Variants in OR52E5 observed in about 807,000 individuals in gnomAD.
OR52E5 encodes the protein olfactory receptor family 52 subfamily E member 5, also known as olfactory receptor 52E5.
chr11:5,898,706 C>T (rs533208340), intron 2 of OR52E5, among the ~76,000 whole-genome samples: 1 of 152,212 alleles, frequency 6.6e-6, no homozygotes, highest in South Asian at 2.1e-4. Flanking sequence ...TATCCTTACC[C>T]AGTTGATTGT....
intron 2 of OR52E5, among the ~76,000 whole-genome samples, chr11:5,899,939 G>T (rs962381186): frequency 3.9e-5 from 6 of 152,080 alleles, no homozygotes; most frequent in African/African-American, 1.4e-4. Flanking sequence ...CCAATCTGAG[G>T]CAAGTATCTG....
intron 2 of OR52E5, among the ~76,000 whole-genome samples, chr11:5,897,159 G>C (rs1159492599): frequency 6.6e-6 from 1 of 152,152 alleles, no homozygotes; most frequent in African/African-American, 2.4e-5. Flanking sequence ...CATTCAAGGG[G>C]ATACACGTGC....
At chr11:5,900,028 T>C (rs1041990776) in intron 2 of OR52E5, among the ~76,000 whole-genome samples, 1 of 152,124 alleles carries the variant, frequency 6.6e-6, no homozygotes, top group Non-Finnish European at 1.5e-5. Flanking sequence ...TGCCCATTTA[T>C]ATAATGCGAA....
intron 2 of OR52E5, among the ~76,000 whole-genome samples, chr11:5,900,321 G>C (rs1404677240): frequency 1.3e-5 from 2 of 151,942 alleles, no homozygotes; most frequent in Non-Finnish European, 2.9e-5. Flanking sequence ...TAATTTGCAA[G>C]AATGTATCAT....
At position 5,900,827 on chromosome 11, in the gene OR52E5, G is replaced by A. The variant is rs901308937; in HGVS notation, c.51G>A (p.Val17=). The change falls in exon 3 of 3, where the codon GTG becomes GTA. Residue 17 remains valine (V), a synonymous_variant. Transcript: ENST00000610445. ...TQFHPSTFLV[V]GVPGLEDVHV... is the part of the protein sequence containing the mutation. The stretch of plus-strand genomic sequence containing the variant: ...TTCACCCTTCCACCTTCCTCGTAGT[G>A]GGGGTCCCAGGGCTGGAAGATGTGC... 5 of 401,216 alleles carry A rather than the reference G, an allele frequency of 1.2e-5. No individual in the cohort carries two copies. Among genetic ancestry groups the A allele is most frequent in the Non-Finnish European group, 1.8e-5 (4 of 226,294 alleles). The allele number at this position is 401,216 out of a possible 1,614,324, so 24.9% of individuals were successfully genotyped here.
Position 5,894,094 on chromosome 11 carries a change from A to G in OR52E5, c.-228+824A>G, listed in dbSNP as rs187645642. ...TAGGGAAGATTATTATTTGCACTCA[A>G]CTTTCAATAGCCATTTGTGGATCCT... On this transcript the variant is annotated intron_variant, in intron 1 of 2. Coordinates refer to ENST00000610445, the MANE Select transcript of OR52E5 (RefSeq NM_001005166.5). 2.2e-4 allele frequency among the ~76,000 whole-genome samples: 34 copies of G among 152,288 alleles called. No homozygotes were observed. In the East Asian group the frequency reaches 5.4e-3, roughly 24 times the overall value.
chr11:5,896,981 T>G (rs1217476017), intron 2 of OR52E5, among the ~76,000 whole-genome samples: 4 of 152,222 alleles, frequency 2.6e-5, no homozygotes, highest in Non-Finnish European at 5.9e-5. Context: ...AACTTAGTTA[T>G]TATTCCTTTT....
chr11:5,899,557 T>C (rs940934942), intron 2 of OR52E5, among the ~76,000 whole-genome samples: 8 of 152,192 alleles, frequency 5.3e-5, no homozygotes, highest in African/African-American at 1.9e-4. Context: ...TTAGAAATCA[T>C]TGCACTCAAA....
intron 1 of OR52E5, among the ~76,000 whole-genome samples, 164 bp from the exon 2 acceptor site, chr11:5,895,464 TTAAA>T (rs1212351638): frequency 9.2e-5 from 14 of 152,214 alleles, no homozygotes; most frequent in Non-Finnish European, 4.4e-5. Context: ...CAGTGACAGA[TTAAA>T]TAATTTAGCT....
At chr11:5,898,698 T>G (rs150174820) in intron 2 of OR52E5, among the ~76,000 whole-genome samples, 145 of 152,296 alleles carry the variant, frequency 9.5e-4, no homozygotes, top group African/African-American at 3.3e-3. Context: ...GAATAAGATA[T>G]CCTTACCCAG....
rs1312407547 is a variant in OR52E5 at position 5,902,259 on chromosome 11, A to C, written c.*499A>C. 1 of 152,700 alleles carries C rather than the reference A, an allele frequency of 6.5e-6. No homozygotes were observed. The highest frequency in any genetic ancestry group is 1.9e-4 in the East Asian group (1 of 5,198). 9.5% of individuals were successfully genotyped at this position (152,700 alleles called of 1,614,324 possible). ...CAATAACAAATTCATACTGATTTAT[A>C]GCATTTTATGAGCAGGGATATTGAA... On this transcript the variant is annotated 3_prime_UTR_variant, in exon 3 of 3. Coordinates refer to ENST00000610445, the MANE Select transcript of OR52E5 (RefSeq NM_001005166.5).
chr11:5,893,553 T>C (rs1847132752), intron 1 of OR52E5, among the ~76,000 whole-genome samples: 1 of 152,058 alleles, frequency 6.6e-6, no homozygotes, highest in South Asian at 2.1e-4. Context: ...GGATAAGTGT[T>C]TTAAAATTAA....
chr11:5,897,166 G>A (rs903838204), intron 2 of OR52E5, among the ~76,000 whole-genome samples: 5 of 152,122 alleles, frequency 3.3e-5, no homozygotes, highest in Admixed American at 2.0e-4. Context: ...GGGGATACAC[G>A]TGCAGGTTTG....
chr11:5,894,687 T>C (rs1336458657), intron 1 of OR52E5, among the ~76,000 whole-genome samples: 2 of 152,200 alleles, frequency 1.3e-5, no homozygotes, highest in Non-Finnish European at 2.9e-5. Flanking sequence ...CTTCACTGCA[T>C]TTTATGGAAT....
In OR52E5 at chr11:5,901,146, C is replaced by T. The variant is rs1167240515; in HGVS notation, c.370C>T (p.Arg124Cys). Residue 124 changes from arginine (R) to cysteine (C), a missense_variant, in exon 3 of 3, where the codon CGC becomes TGC. Transcript: ENST00000610445. ...GGTACTGACAGTCACGGGCATAGAT[C>T]GCTATATTGCCATCTGCAACCCCCT... is the stretch of plus-strand genomic sequence containing the variant. ...SVVLTVTGID[R>C]YIAICNPLRY... is the part of the protein sequence containing the mutation. The T allele has an allele frequency of 1.7e-5, 7 of 401,322 alleles. No homozygotes were observed. The highest frequency in any genetic ancestry group is 3.1e-4 in the Middle Eastern group (1 of 3,240). The allele number at this position is 401,322 out of a possible 1,614,324, so 24.9% of individuals were successfully genotyped here. A position where few individuals can be genotyped will look rare whatever the true frequency, so the allele number is the denominator to read the frequency against.
chr11:5,894,071 G>A (rs544804566), intron 1 of OR52E5, among the ~76,000 whole-genome samples: 9 of 151,964 alleles, frequency 5.9e-5, no homozygotes, highest in Non-Finnish European at 1.3e-4. Context: ...TATAACAATA[G>A]GGAAGATTAT....
intron 2 of OR52E5, among the ~76,000 whole-genome samples, chr11:5,898,048 G>A (rs1847199975): frequency 6.7e-6 from 1 of 150,320 alleles, no homozygotes; most frequent in South Asian, 2.1e-4. Flanking sequence ...TTTTTTAGAT[G>A]AAGTCTCCCT....
At chr11:5,895,747 T>C (rs1454844626) in intron 2 of OR52E5, 34 bp downstream of exon 2, 2 of 152,140 alleles carry the variant, frequency 1.3e-5, no homozygotes, top group Non-Finnish European at 1.5e-5. Context: ...AGATGAACAA[T>C]GTTAGTCTAT....
At chr11:5,898,862 T>C (rs1481598472) in intron 2 of OR52E5, among the ~76,000 whole-genome samples, 1 of 152,154 alleles carries the variant, frequency 6.6e-6, no homozygotes, top group Non-Finnish European at 1.5e-5. Flanking sequence ...TAATTTGAAG[T>C]TGGGTAGTGT....
Sources: gnomAD v4.1 joint callset for allele counts (sites outside exome capture counted in the v4.1 genomes callset) on GRCh38, gnomAD v4.1.1 for gene constraint, MANE v1.5 for transcripts, NCBI Gene and HGNC (gene_info 2026-07-23, HGNC 2026-07-21) for gene names.